The following ZNF100 variants were observed in gnomAD, a reference collection of about 807,000 sequenced individuals.
The protein encoded by ZNF100 is zinc finger protein 100 (Y1).
A neutral mutation model predicts 15.8 loss-of-function variants in ZNF100; 12 were observed. That is an observed-to-expected ratio of 0.76 (90% CI 0.49 to 1.23). ZNF100 has a LOEUF of 1.23. Ranked by LOEUF, ZNF100 falls within the 50% of genes most tolerant of loss-of-function variation. ZNF100 has a pLI of 0.00. For missense variants in ZNF100, 670 were observed against 635.6 expected (o/e 1.05, Z -0.58); for synonymous variants, 226 against 214.8 (o/e 1.05, Z -0.45).
rs779949129 is a variant in ZNF100 at position 21,765,730 on chromosome 19, A to C, written c.60T>G (p.Ala20=). ...PLKGASGCPG[A]ERSLLVQSYF... The stretch of plus-strand genomic sequence containing the variant: ...AAGACTGCACCAGAAGACTCCTCTC[A>C]GCCCCAGGGCATCCACTTGCTCCCT... Residue 20 remains alanine (A), a synonymous_variant, in exon 2 of 5, where the codon GCT becomes GCG. Coordinates refer to ENST00000358296, the MANE Select transcript of ZNF100 (RefSeq NM_173531.4). 4 of 1,614,052 alleles carry C rather than the reference A, an allele frequency of 2.5e-6. No homozygotes were observed. The African/African-American group carries it at 4.0e-5, about 16-fold the overall frequency.
At chr19:21,735,537 G>A (rs1344542401) in intron 4 of ZNF100, among the ~76,000 whole-genome samples, 1 of 147,340 alleles carries the variant, frequency 6.8e-6, no homozygotes, top group East Asian at 2.0e-4. Flanking sequence ...AGAATGGCAA[G>A]CTGGTTAAAG....
rs1394967136 is a variant in ZNF100, at chr19:21,727,319, G to A, written c.993C>T (p.His331=). 3 of 1,612,676 alleles carry A rather than the reference G, an allele frequency of 1.9e-6. No homozygotes were observed. The African/African-American group carries it at 4.0e-5, about 22-fold the overall frequency. ...TATGAATTATCCTGTGTGTAGTAAG[G>A]TGTGAGGACCGGTTAAAAGCTTTGC... ...ECGKAFNRSS[H]LTTHRIIHTG... is the part of the protein sequence containing the mutation. The change falls in exon 5 of 5, where the codon CAC becomes CAT. Residue 331 remains histidine (H), a synonymous_variant. Coordinates refer to ENST00000358296, the MANE Select transcript of ZNF100 (RefSeq NM_173531.4).
chr19:21,760,921 T>C (rs2036473912), intron 2 of ZNF100, among the ~76,000 whole-genome samples: 2 of 151,986 alleles, frequency 1.3e-5, no homozygotes, highest in Non-Finnish European at 2.9e-5. Flanking sequence ...CATGTCCCAC[T>C]ATTTTTTTTT....
Position 21,727,533 on chromosome 19 carries a change from G to A in ZNF100, c.779C>T (p.Pro260Leu). 1.2e-6 allele frequency: 2 copies of A among 1,613,816 alleles called. No homozygotes were observed. Among genetic ancestry groups the A allele is most frequent in the Admixed American group, 1.7e-5 (1 of 60,006 alleles). Residue 260 changes from proline (P) to leucine (L), a missense_variant, in exon 5 of 5, where the codon CCC becomes CTC. By Grantham distance (98) the Pro-to-Leu change is moderately conservative (BLOSUM62 -3). Transcript: ENST00000358296. The stretch of plus-strand genomic sequence containing the variant: ...TTTCCCACATTCTTCACATTTGTAG[G>A]GTTTCTCTCCAGTATGAATTCTCCT... ...THRRIHTGEK[P>L]YKCEECGKAF...
At chr19:21,755,921 G>T (rs113426877) in intron 2 of ZNF100, among the ~76,000 whole-genome samples, 3,805 of 152,206 alleles carry the variant, frequency 0.025, 53 homozygotes, top group Non-Finnish European at 0.038. Context: ...TACACCCACA[G>T]GGCCTGTTGA....
In ZNF100 at chr19:21,724,376, A is replaced by G. The variant is rs1038281611; in HGVS notation, c.*2307T>C. On this transcript the variant is annotated 3_prime_UTR_variant, in exon 5 of 5. Coordinates refer to ENST00000358296, the MANE Select transcript of ZNF100 (RefSeq NM_173531.4). ...TCTTTAGACTAACATATATTTAACT[A>G]TATGTAAATCAAAACTAAATGTCTG... 1 of 152,206 alleles carries G rather than the reference A, an allele frequency of 6.6e-6. No individual in the cohort carries two copies. The highest frequency in any genetic ancestry group is 1.5e-5 in the Non-Finnish European group (1 of 68,030). The allele number at this position is 152,206 out of a possible 1,614,324, so 9.4% of individuals were successfully genotyped here.
At chr19:21,763,532 G>A (rs2036514039) in intron 2 of ZNF100, among the ~76,000 whole-genome samples, 1 of 152,196 alleles carries the variant, frequency 6.6e-6, no homozygotes, top group Non-Finnish European at 1.5e-5. Flanking sequence ...AGAGGTTGCA[G>A]TGAGCCGAGA....
At chr19:21,756,278 G>C (rs567201353) in intron 2 of ZNF100, among the ~76,000 whole-genome samples, 11 of 152,126 alleles carry the variant, frequency 7.2e-5, no homozygotes, top group Admixed American at 2.0e-4. Context: ...ACACAAGTGA[G>C]AAGCATTCCT....
intron 2 of ZNF100, chr19:21,746,967 C>T (rs1232050387): frequency 1.3e-5 from 2 of 152,220 alleles, no homozygotes; most frequent in Non-Finnish European, 2.9e-5. Flanking sequence ...TAGCACCACG[C>T]CCACAGACAG....
At chr19:21,737,062 A>G in intron 4 of ZNF100, among the ~76,000 whole-genome samples, 1 of 149,046 alleles carries the variant, frequency 6.7e-6, no homozygotes, top group Non-Finnish European at 1.5e-5. Flanking sequence ...ACCATAGGAG[A>G]TAGAGACACA....
Position 21,745,004 on chromosome 19 carries a change from T to C in ZNF100, c.160A>G (p.Ser54Gly). Residue 54 changes from serine to glycine, a missense_variant, in exon 3 of 5, where the codon AGT (serine) becomes GGT (glycine). Physicochemically the swap from Ser to Gly is moderately conservative, Grantham distance 56 (BLOSUM62 0). Transcript: ENST00000358296. The stretch of plus-strand genomic sequence containing the variant: ...TTCCTATACAAACCCTGCTGAGCAC[T>C]GTCCAGGCATTGCCACTCCTCCAGA... ...FSLEEWQCLD[S>G]AQQGLYRKVM... 1.2e-6 allele frequency: 2 copies of C among 1,612,774 alleles called. No individual in the cohort carries two copies. Among genetic ancestry groups the C allele is most frequent in the African/African-American group, 1.3e-5 (1 of 74,946 alleles).
At position 21,726,164 on chromosome 19, in the gene ZNF100, ATATTTTCTTAAAGATATTTTGACAGTAGT is replaced by A. The variant is rs2035780020; in HGVS notation, c.*490_*518del. 6.5e-6 allele frequency: 1 copy of A among 152,760 alleles called. No individual in the cohort carries two copies. The highest frequency in any genetic ancestry group is 1.5e-5 in the Non-Finnish European group (1 of 68,648). 9.5% of individuals were successfully genotyped at this position (152,760 alleles called of 1,614,324 possible). A position where few individuals can be genotyped will look rare whatever the true frequency, so the allele number is the denominator to read the frequency against. On this transcript the variant is annotated 3_prime_UTR_variant, in exon 5 of 5. Transcript: ENST00000358296. Reference sequence around the variant, plus strand: ...AAAATACTCTTCACTTTAAAAGCTTATATTTTCTTAAAGATATTTTGACAGTAGTTGCACTTATGTTTTTATTGAGTATG... The same window carrying A: ...AAAATACTCTTCACTTTAAAAGCTTATGCACTTATGTTTTTATTGAGTATG...
chr19:21,751,474 A>C, intron 2 of ZNF100: 1 of 914,908 alleles, frequency 1.1e-6, no homozygotes, highest in Non-Finnish European at 1.8e-6. Context: ...GTGCAACAGT[A>C]ACTCTGGTTT....
chr19:21,746,838 C>A (rs1035721797), intron 2 of ZNF100: 1 of 152,052 alleles, frequency 6.6e-6, no homozygotes, highest in Non-Finnish European at 1.5e-5. Flanking sequence ...AAAAAAACAT[C>A]ATTTTTCCTC....
rs554950444 is a variant in ZNF100 at position 21,758,766 on chromosome 19, G to T, written c.96+6928C>A. Among the ~76,000 whole-genome samples the T allele has an allele frequency of 3.0e-4, 45 of 152,266 alleles. 1 individual carries two copies. Among genetic ancestry groups the T allele is most frequent in the African/African-American group, 1.0e-3 (42 of 41,546 alleles). On this transcript the variant is annotated intron_variant, in intron 2 of 4. Coordinates refer to ENST00000358296, the MANE Select transcript of ZNF100 (RefSeq NM_173531.4). ...AGTGGGTATGTTTGTGAGTGGATCA[G>T]AATCCTGTGGTGATAGCTGTGGAAC...
intron 4 of ZNF100, among the ~76,000 whole-genome samples, chr19:21,738,166 G>A (rs568072603): frequency 6.9e-6 from 1 of 144,918 alleles, no homozygotes; most frequent in South Asian, 2.3e-4. Context: ...CAGGGGAACT[G>A]CTTGAACCCA....
chr19:21,758,333 T>C (rs527989465), intron 2 of ZNF100, among the ~76,000 whole-genome samples: 69 of 152,192 alleles, frequency 4.5e-4, no homozygotes, highest in South Asian at 6.2e-4. Flanking sequence ...GTGCTATGCT[T>C]AGTACCTCAG....
chr19:21,755,792 T>G (rs2036384034), intron 2 of ZNF100, among the ~76,000 whole-genome samples: 1 of 152,192 alleles, frequency 6.6e-6, no homozygotes, highest in Non-Finnish European at 1.5e-5. Flanking sequence ...GGAACATGAA[T>G]GAAGCTGGAA....
At chr19:21,748,325 C>T (rs1398399098) in intron 2 of ZNF100, among the ~76,000 whole-genome samples, 1 of 152,076 alleles carries the variant, frequency 6.6e-6, no homozygotes, top group Non-Finnish European at 1.5e-5. Context: ...GTGGGCCAGA[C>T]CTAAAGAAGG....
Sources: allele counts gnomAD v4.1 joint callset (sites outside exome capture counted in the v4.1 genomes callset), GRCh38; gene constraint gnomAD v4.1.1; transcripts MANE v1.5; gene names NCBI Gene and HGNC (gene_info 2026-07-23, HGNC 2026-07-21).